NOXA1: variants seen among roughly 807,000 people sequenced by gnomAD.
NOXA1 encodes the protein NCF2-like protein.
A neutral mutation model predicts 64.8 loss-of-function variants in NOXA1; 56 were observed. The ratio of observed to expected loss-of-function variants is 0.86; its 90% confidence interval spans 0.70 to 1.08. NOXA1 has a LOEUF of 1.08. Ranked by LOEUF, NOXA1 falls within the 50% of genes least tolerant of loss-of-function variation. The pLI is 0.00. For synonymous variants in NOXA1, 295 were observed against 294.8 expected, an observed-to-expected ratio of 1.00 and a Z score of -0.01; for missense variants, 668 against 658.5, an observed-to-expected ratio of 1.01 and a Z score of -0.16.
chr9:137,429,434 G>A (rs956733778), intron 5 of NOXA1, 51 bp downstream of exon 5: 8 of 1,327,962 alleles, frequency 6.0e-6, no homozygotes, highest in Middle Eastern at 1.8e-4. Flanking sequence ...CTGAGCCCTC[G>A]AACTGTGTTC....
In NOXA1 at chr9:137,431,343, T is replaced by G; in HGVS notation, c.804+2T>G. ...ACGTCGACTGCCTACCAGGAGCAGG[T>G]GCGTGGGCCTGGGCCTCTTCCCCTG... On this transcript the variant is annotated splice_donor_variant, in intron 8 of 13. Transcript: ENST00000683555. LOFTEE classifies it high-confidence loss of function. This position sits in a 1 kb window ranked among gnomAD's most constrained non-coding sequence, Gnocchi z 5.6. 6.2e-7 allele frequency: 1 copy of G among 1,605,310 alleles called. No homozygotes were observed. The highest frequency in any genetic ancestry group is 8.5e-7 in the Non-Finnish European group (1 of 1,178,538).
chr9:137,427,303 G>A lies in NOXA1; in HGVS notation c.261-730G>A, dbSNP rs149663432. On this transcript the variant is annotated intron_variant, in intron 2 of 13. Coordinates refer to ENST00000683555, the MANE Select transcript of NOXA1 (RefSeq NM_001256067.2). The stretch of plus-strand genomic sequence containing the variant: ...GTCAGAAGGGGTAAGACGTAGGTGC[G>A]TAGACTCTGGCTGGTGACTGTGTGC... 7.5e-3 allele frequency among the ~76,000 whole-genome samples: 1,146 copies of A among 152,300 alleles called. 12 individuals carry two copies. Among genetic ancestry groups the A allele is most frequent in the South Asian group, 0.04 (194 of 4,828 alleles).
chr9:137,430,713 G>A, intron 5 of NOXA1, 71 bp from the exon 6 acceptor site: 1 of 1,373,334 alleles, frequency 7.3e-7, no homozygotes, highest in East Asian at 2.6e-5. Context: ...GGGCACGGTG[G>A]GGCGGGCTGC....
chr9:137,428,096 C>T lies in NOXA1; in HGVS notation c.324C>T (p.Ile108=), dbSNP rs758785128. ...AGCAGCTGAGGGGCCACGCTGCCATCGACTACACGCAGCTGGGCCTGCGGT... is the reference window on the plus strand; with the variant it reads ...AGCAGCTGAGGGGCCACGCTGCCATTGACTACACGCAGCTGGGCCTGCGGT... ...ALEQLRGHAA[I]DYTQLGLRFK... is the part of the protein sequence containing the mutation. Residue 108 remains isoleucine (I), a synonymous_variant, in exon 3 of 14, where the codon ATC becomes ATT. Transcript: ENST00000683555. The T allele has an allele frequency of 6.8e-5, 108 of 1,585,330 alleles. No individual in the cohort carries two copies. The East Asian group carries it at 1.8e-3, about 27-fold the overall frequency.
At chr9:137,430,408 C>T (rs986401358) in intron 5 of NOXA1, among the ~76,000 whole-genome samples, 2 of 152,200 alleles carry the variant, frequency 1.3e-5, no homozygotes, top group South Asian at 4.1e-4. Context: ...CACGCCCCCT[C>T]GGTCACCTGC....
At chr9:137,432,364 G>T (rs1036546571) in intron 8 of NOXA1, among the ~76,000 whole-genome samples, 2 of 150,924 alleles carry the variant, frequency 1.3e-5, no homozygotes, top group African/African-American at 4.9e-5. Context: ...CGGATCACAA[G>T]ATCAGGAGAT....
At position 137,428,138 on chromosome 9, in the gene NOXA1, G is replaced by T; in HGVS notation, c.366G>T (p.Trp122Cys). 1 of 1,564,880 alleles carries T rather than the reference G, an allele frequency of 6.4e-7. No individual in the cohort carries two copies. The highest frequency in any genetic ancestry group is 8.7e-7 in the Non-Finnish European group (1 of 1,155,394). Residue 122 changes from tryptophan (W) to cysteine (C), a missense_variant, in exon 3 of 14, where the codon TGG becomes TGT. Transcript: ENST00000683555. Reference protein sequence around the residue: ...QLGLRFKLQAWEVLHNVASAQ... With the variant: ...QLGLRFKLQACEVLHNVASAQ... The stretch of plus-strand genomic sequence containing the variant: ...GCCTGCGGTTCAAGCTGCAAGCCTG[G>T]GAGGTGAGGCCGGGCAGGGCTCACT...
In NOXA1 at chr9:137,426,273, A is replaced by G; in HGVS notation, c.203A>G (p.Asp68Gly). The G allele has an allele frequency of 1.2e-6, 2 of 1,613,854 alleles. No homozygotes were observed. The highest frequency in any genetic ancestry group is 1.7e-6 in the Non-Finnish European group (2 of 1,180,006). Residue 68 changes from aspartate to glycine, a missense_variant, in exon 2 of 14, where the codon GAC (aspartate) becomes GGC (glycine). By Grantham distance (94) the Asp-to-Gly change is moderately conservative (BLOSUM62 -1). Transcript: ENST00000683555. ...GCATTTGACCAAGCCGTGACCAAGG[A>G]CACCTGCATGGCGGTTGGCTTCTTC... Reference protein sequence around the residue: ...LRAFDQAVTKDTCMAVGFFQR... With the variant: ...LRAFDQAVTKGTCMAVGFFQR...
rs891991072 is a variant in NOXA1, at chr9:137,433,441, G to A, written c.910-12G>A. On this transcript the variant is annotated splice_polypyrimidine_tract_variant and intron_variant, in intron 10 of 13. Coordinates refer to ENST00000683555, the MANE Select transcript of NOXA1 (RefSeq NM_001256067.2). ...CTCAGCGACCACCCCTCCCCCTCCT[G>A]CCTGGACCCAGGGAGCAGGTGCAGG... The A allele has an allele frequency of 2.5e-6, 4 of 1,591,846 alleles. No homozygotes were observed. The African/African-American group carries it at 5.4e-5, about 21-fold the overall frequency.
At position 137,433,519 on chromosome 9, in the gene NOXA1, C is replaced by G. The variant is rs2131896065; in HGVS notation, c.976C>G (p.Leu326Val). ...VTVQCAFTVA[L>V]RARRGADLSS... is the part of the protein sequence containing the mutation. ...CGTGCAGTGCGCCTTCACAGTGGCC[C>G]TGAGGGCACGAAGAGGAGCCGACCT... is the stretch of plus-strand genomic sequence containing the variant. The change falls in exon 11 of 14, where the codon CTG becomes GTG. Residue 326 changes from leucine to valine, a missense_variant. Coordinates refer to ENST00000683555, the MANE Select transcript of NOXA1 (RefSeq NM_001256067.2). The G allele has an allele frequency of 6.3e-7, 1 of 1,599,158 alleles. No individual in the cohort carries two copies. Among genetic ancestry groups the G allele is most frequent in the East Asian group, 2.2e-5 (1 of 44,484 alleles).
chr9:137,429,090 G>A, intron 4 of NOXA1, 74 bp downstream of exon 4: 1 of 1,453,246 alleles, frequency 6.9e-7, no homozygotes, highest in Non-Finnish European at 9.1e-7. Context: ...TTCATGAGAT[G>A]AAGAAGCTTC....
At chr9:137,433,168 G>A in intron 9 of NOXA1, 37 bp from the exon 10 acceptor site, 1 of 1,609,912 alleles carries the variant, frequency 6.2e-7, no homozygotes, top group Non-Finnish European at 8.5e-7. Context: ...GCCCACTTTG[G>A]TGGTAGTGGC....
At position 137,426,299 on chromosome 9, in the gene NOXA1, C is replaced by T. The variant is rs1237958878; in HGVS notation, c.229C>T (p.Gln77Ter). The change falls in exon 2 of 14, where the codon CAG becomes TAG. Residue 77 changes from glutamine to a stop codon, truncating the protein, a stop_gained. Coordinates refer to ENST00000683555, the MANE Select transcript of NOXA1 (RefSeq NM_001256067.2). LOFTEE classifies it high-confidence loss of function. ...CACCTGCATGGCGGTTGGCTTCTTCCAGCGAGGAGTGGCCAACTTCCAGCT... is the reference window on the plus strand; with the variant it reads ...CACCTGCATGGCGGTTGGCTTCTTCTAGCGAGGAGTGGCCAACTTCCAGCT... Reference protein sequence around the residue: ...KDTCMAVGFFQRGVANFQLAR... With the variant: ...KDTCMAVGFF 2 of 1,613,814 alleles carry T rather than the reference C, an allele frequency of 1.2e-6. No individual in the cohort carries two copies. The highest frequency in any genetic ancestry group is 1.3e-5 in the African/African-American group (1 of 75,050).
chr9:137,429,239 A>G, intron 4 of NOXA1, 37 bp from the exon 5 acceptor site: 1 of 1,457,388 alleles, frequency 6.9e-7, no homozygotes, highest in Non-Finnish European at 9.2e-7. Context: ...CTGGTTGGTC[A>G]CCCCGTCTGC....
At chr9:137,427,888 T>G in intron 2 of NOXA1, 145 bp from the exon 3 acceptor site, 1 of 610,946 alleles carries the variant, frequency 1.6e-6, no homozygotes, top group Non-Finnish European at 2.9e-6. Flanking sequence ...GACCTGAGTG[T>G]GCAGACCTAG....
At chr9:137,432,843 G>T (rs1282095869) in intron 8 of NOXA1, among the ~76,000 whole-genome samples, 186 bp from the exon 9 acceptor site, 1 of 152,208 alleles carries the variant, frequency 6.6e-6, no homozygotes. Flanking sequence ...CTCTAGGTCT[G>T]CAGGGACCCA....
At chr9:137,432,966 AG>A in intron 8 of NOXA1, 62 bp from the exon 9 acceptor site, 1 of 1,576,294 alleles carries the variant, frequency 6.3e-7, no homozygotes, top group Admixed American at 1.7e-5. Flanking sequence ...GGGCTCTGCG[AG>A]GACAGTACCG....
chr9:137,433,298 C>G, intron 10 of NOXA1, 35 bp downstream of exon 10: 1 of 1,520,524 alleles, frequency 6.6e-7, no homozygotes, highest in Non-Finnish European at 8.8e-7. Flanking sequence ...TGTCAGTCAC[C>G]TGAGGGAGGC....
At chr9:137,433,105 G>A in intron 9 of NOXA1, 31 bp downstream of exon 9, 1 of 1,612,402 alleles carries the variant, frequency 6.2e-7, no homozygotes, top group South Asian at 1.1e-5. Context: ...GGGGTCCCCG[G>A]GTGAAGGAGG....
Sources: gnomAD v4.1 joint callset for allele counts (sites outside exome capture counted in the v4.1 genomes callset) on GRCh38, gnomAD v4.1.1 for gene constraint, Gnocchi (gnomAD v3.1) non-coding constraint, MANE v1.5 for transcripts, NCBI Gene and HGNC (gene_info 2026-07-23, HGNC 2026-07-21) for gene names.